The following CDC14B variants were observed in gnomAD, a reference collection of about 807,000 sequenced individuals.
The protein encoded by CDC14B is dual specificity protein phosphatase CDC14B.
A neutral mutation model predicts 64.2 loss-of-function variants in CDC14B; 22 were observed. That is an observed-to-expected ratio of 0.34 (90% confidence interval 0.24 to 0.49). The LOEUF is 0.49. CDC14B is among the 20% of genes least tolerant of loss of function. The pLI, the probability that CDC14B is intolerant of heterozygous loss-of-function variation, is 0.99. For synonymous variants in CDC14B, 191 were observed against 215.8 expected (o/e 0.89, Z 1.01); for missense variants, 498 against 629.9 (o/e 0.79, Z 2.24).
chr9:96,574,697 C>CAAAAAAAAAAAAAAAA lies in CDC14B; in HGVS notation c.161-9230_161-9215dup, dbSNP rs57056796. On this transcript the variant is annotated intron_variant, in intron 1 of 13. Coordinates refer to ENST00000375241, the MANE Select transcript of CDC14B (RefSeq NM_033331.4). ...GCAACAAGAGCGAAACTCGGTCTCA[C>CAAAAAAAAAAAAAAAA]AAAAAAAAAAAAAAAAAAAAAAGAT... Among the ~76,000 whole-genome samples the CAAAAAAAAAAAAAAAA allele has an allele frequency of 7.4e-4, 37 of 49,946 alleles. 6 individuals carry two copies. Among genetic ancestry groups the CAAAAAAAAAAAAAAAA allele is most frequent in the African/African-American group, 2.9e-3 (34 of 11,914 alleles). The allele number at this position is 49,946 out of a possible 152,430, so 32.8% of individuals were successfully genotyped here. A position where few individuals can be genotyped will look rare whatever the true frequency, so the allele number is the denominator to read the frequency against.
At chr9:96,541,042 T>C (rs1839984643) in intron 6 of CDC14B, among the ~76,000 whole-genome samples, 1 of 152,250 alleles carries the variant, frequency 6.6e-6, no homozygotes, top group African/African-American at 2.4e-5. Context: ...TGTTTCATTA[T>C]ACAAGAAAGT....
At chr9:96,569,921 T>C (rs1260021791) in intron 1 of CDC14B, among the ~76,000 whole-genome samples, 1 of 152,222 alleles carries the variant, frequency 6.6e-6, no homozygotes, top group Non-Finnish European at 1.5e-5. Flanking sequence ...TGCTTAAAGC[T>C]TGACGATTAA....
rs573060248 is a variant in CDC14B at position 96,504,068 on chromosome 9, C to T, written c.1461-279G>A. 7.2e-5 allele frequency among the ~76,000 whole-genome samples: 11 copies of T among 152,236 alleles called. No homozygotes were observed. The East Asian group carries it at 1.7e-3, about 24-fold the overall frequency. ...GTAAATAAAAATCATAAAAGACGGA[C>T]GGGCAGGGGCAGCAGGGCCAGGAAA... On this transcript the variant is annotated intron_variant, in intron 13 of 13. Transcript: ENST00000375241.
chr9:96,544,490 G>T (rs1331748937), intron 5 of CDC14B, among the ~76,000 whole-genome samples: 1 of 152,086 alleles, frequency 6.6e-6, no homozygotes, highest in Admixed American at 6.6e-5. Flanking sequence ...AGGACAGAAT[G>T]CAGGGTCTTG....
At chr9:96,552,642 T>C (rs1318047508) in intron 4 of CDC14B, among the ~76,000 whole-genome samples, 1 of 152,230 alleles carries the variant, frequency 6.6e-6, no homozygotes, top group East Asian at 1.9e-4. Context: ...TAAGTATCTC[T>C]GTCTGCTTCT....
intron 5 of CDC14B, among the ~76,000 whole-genome samples, chr9:96,548,067 T>C (rs1026403820): frequency 6.6e-6 from 1 of 151,990 alleles, no homozygotes; most frequent in African/African-American, 2.4e-5. Context: ...CCTTGTGATC[T>C]GCCCACCTCA....
At chr9:96,590,536 G>C (rs183735303) in intron 1 of CDC14B, among the ~76,000 whole-genome samples, 173 of 152,134 alleles carry the variant, frequency 1.1e-3, no homozygotes, top group African/African-American at 3.9e-3. Flanking sequence ...TCAATTTTTA[G>C]TTTTCTGAGG....
At chr9:96,526,227 G>T (rs771545660) in intron 9 of CDC14B, among the ~76,000 whole-genome samples, 5 of 152,090 alleles carry the variant, frequency 3.3e-5, no homozygotes, top group African/African-American at 9.7e-5. Context: ...AATTAGCCGG[G>T]CGTGGTGGCA....
At chr9:96,571,710 T>C (rs1428743287) in intron 1 of CDC14B, among the ~76,000 whole-genome samples, 2 of 152,116 alleles carry the variant, frequency 1.3e-5, no homozygotes, top group African/African-American at 4.8e-5. Context: ...TGTTACAACA[T>C]CTTGTTATAT....
chr9:96,544,078 A>G (rs1840453399), intron 5 of CDC14B, among the ~76,000 whole-genome samples: 1 of 151,924 alleles, frequency 6.6e-6, no homozygotes, highest in Non-Finnish European at 1.5e-5. Context: ...TTAGCCGGGC[A>G]TGGTGGCGCG....
chr9:96,515,907 C>A lies in CDC14B; in HGVS notation c.1344-6118G>T, dbSNP rs1835588170. On this transcript the variant is annotated intron_variant, in intron 12 of 13. Coordinates refer to ENST00000375241, the MANE Select transcript of CDC14B (RefSeq NM_033331.4). The surrounding 1 kb of genome is among the most constrained non-coding windows in gnomAD (Gnocchi z 4.3). ...ATTTTAGACACCCTAAAAGCCCAGC[C>A]AACAGCAACAGGGATACAAAGGGGT... is the stretch of plus-strand genomic sequence containing the variant. 2 of 853,490 alleles carry A rather than the reference C, an allele frequency of 2.3e-6. No homozygotes were observed. Among genetic ancestry groups the A allele is most frequent in the Non-Finnish European group, 3.5e-6 (2 of 579,150 alleles). 52.9% of individuals were successfully genotyped at this position (853,490 alleles called of 1,614,324 possible). A position where few individuals can be genotyped will look rare whatever the true frequency, so the allele number is the denominator to read the frequency against.
At chr9:96,491,591 C>T (rs1833097586) in exon 14 of CDC14B, 2 of 152,250 alleles carry the variant, frequency 1.3e-5, no homozygotes, top group Admixed American at 6.5e-5. Context: ...GCCGGTACAA[C>T]ATCAGGGCTG....
chr9:96,514,149 C>T (rs906788730), intron 12 of CDC14B, among the ~76,000 whole-genome samples: 1 of 152,176 alleles, frequency 6.6e-6, no homozygotes, highest in Non-Finnish European at 1.5e-5. Flanking sequence ...CCAATAACAA[C>T]AGAAGGTATA....
chr9:96,615,471 T>C (rs1232944584), intron 1 of CDC14B, among the ~76,000 whole-genome samples: 1 of 152,170 alleles, frequency 6.6e-6, no homozygotes, highest in Admixed American at 6.5e-5. Flanking sequence ...ACAGATTAAA[T>C]AGGCTGCAAT....
intron 1 of CDC14B, among the ~76,000 whole-genome samples, chr9:96,566,254 TAAGAA>T (rs1328505314): frequency 1.3e-5 from 2 of 152,216 alleles, no homozygotes; most frequent in East Asian, 3.9e-4. Context: ...CTAGTGGTGC[TAAGAA>T]AATACTTACA....
intron 1 of CDC14B, among the ~76,000 whole-genome samples, chr9:96,574,820 T>C (rs935072178): frequency 2.0e-5 from 3 of 150,522 alleles, no homozygotes; most frequent in Non-Finnish European, 4.4e-5. Flanking sequence ...ACCAATAAAG[T>C]GTCAGTATTT....
At chr9:96,604,698 T>A (rs1846761369) in intron 1 of CDC14B, among the ~76,000 whole-genome samples, 1 of 147,758 alleles carries the variant, frequency 6.8e-6, no homozygotes, top group Non-Finnish European at 1.5e-5. Flanking sequence ...GGACAGAGTC[T>A]TGCTCTGTCC....
At chr9:96,582,805 A>G (rs1845232844) in intron 1 of CDC14B, among the ~76,000 whole-genome samples, 2 of 152,186 alleles carry the variant, frequency 1.3e-5, no homozygotes, top group Admixed American at 6.6e-5. Context: ...CTCATCTGAG[A>G]CTTTTACCAG....
intron 4 of CDC14B, among the ~76,000 whole-genome samples, chr9:96,553,901 C>T (rs1842151583): frequency 6.6e-6 from 1 of 152,024 alleles, no homozygotes. Flanking sequence ...TGCGGTGGCT[C>T]ACGCCTGTAA....
Sources: gnomAD v4.1 joint callset for allele counts (sites outside exome capture counted in the v4.1 genomes callset) on GRCh38, gnomAD v4.1.1 for gene constraint, Gnocchi (gnomAD v3.1) non-coding constraint, MANE v1.5 for transcripts, NCBI Gene and HGNC (gene_info 2026-07-23, HGNC 2026-07-21) for gene names.